Variants in ZSCAN30 observed in about 807,000 individuals in gnomAD.
ZSCAN30 encodes zinc finger and SCAN domain containing 30.
A neutral mutation model predicts 44.3 loss-of-function variants in ZSCAN30; 37 were observed. That is an observed-to-expected ratio of 0.84 (90% CI 0.64 to 1.10). The LOEUF (loss-of-function observed/expected upper bound fraction) is 1.10, where lower values mean the gene tolerates loss of function less well. ZSCAN30 is among the 50% of genes least tolerant of loss of function. The probability of loss-of-function intolerance (pLI) is 0.00; values close to 1 mark genes in which losing one functional copy is unlikely to be tolerated. For missense variants in ZSCAN30, 549 were observed against 582.6 expected (o/e 0.94, Z 0.59); for synonymous variants, 181 against 204.6 (o/e 0.88, Z 0.98).
At chr18:35,285,320 C>A (rs2044531962) in intron 1 of ZSCAN30, 1 of 152,136 alleles carries the variant, frequency 6.6e-6, no homozygotes, top group Non-Finnish European at 1.5e-5. Context: ...ATTCAATACT[C>A]ATCTTTCAAT....
chr18:35,284,288 C>T (rs1378969398), intron 1 of ZSCAN30: 2 of 152,610 alleles, frequency 1.3e-5, no homozygotes, highest in East Asian at 3.9e-4. Flanking sequence ...GAAAAAGCAC[C>T]ACCAGTTCCC....
chr18:35,266,000 G>C (rs1414335341), intron 1 of ZSCAN30, among the ~76,000 whole-genome samples: 1 of 152,178 alleles, frequency 6.6e-6, no homozygotes, highest in Non-Finnish European at 1.5e-5. Context: ...GTGAAAATGG[G>C]TATGAGAGAA....
In ZSCAN30 at chr18:35,264,456, C is replaced by A; in HGVS notation, c.-103-1G>T. ...TGAATTCCAACTCCCCAGGACGCTC[C>A]TGAGGGTGGACAATGCTCATGTTAC... On this transcript the variant is annotated splice_acceptor_variant, in intron 1 of 3. Transcript: ENST00000333206. LOFTEE classifies it low-confidence loss of function (5UTR_SPLICE). 1 of 1,211,580 alleles carries A rather than the reference C, an allele frequency of 8.3e-7. No homozygotes were observed. The allele number at this position is 1,211,580 out of a possible 1,614,324, so 75.1% of individuals were successfully genotyped here.
At chr18:35,262,639 A>T (rs1000559759) in intron 3 of ZSCAN30, 1 of 152,208 alleles carries the variant, frequency 6.6e-6, no homozygotes, top group Non-Finnish European at 1.5e-5. Flanking sequence ...CCCCATCCCT[A>T]TGGGTAGCTT....
chr18:35,280,067 G>A (rs1413032602), intron 1 of ZSCAN30, among the ~76,000 whole-genome samples: 2 of 152,164 alleles, frequency 1.3e-5, no homozygotes, highest in Admixed American at 6.5e-5. Context: ...ATTGAGCCCA[G>A]GAGTTCAAGA....
In ZSCAN30 at chr18:35,252,348, A is replaced by C. The variant is rs895608964; in HGVS notation, c.*1102T>G. On this transcript the variant is annotated 3_prime_UTR_variant, in exon 4 of 4. Transcript: ENST00000333206. ...AGTGTTTGTGTCCCATGACTCTGGG[A>C]CTCAGGCAGTGGGAAGTATAAAGGA... 1 of 152,012 alleles carries C rather than the reference A, an allele frequency of 6.6e-6. No individual in the cohort carries two copies. Among genetic ancestry groups the C allele is most frequent in the Admixed American group, 6.6e-5 (1 of 15,242 alleles). 9.4% of individuals were successfully genotyped at this position (152,012 alleles called of 1,614,324 possible).
intron 3 of ZSCAN30, 122 bp from the exon 4 acceptor site, chr18:35,254,503 T>C (rs778898768): frequency 9.1e-6 from 14 of 1,541,094 alleles, no homozygotes; most frequent in South Asian, 1.2e-5. Flanking sequence ...TTCTCAAAAC[T>C]AGATTCCCAA....
chr18:35,284,741 G>A (rs551403634), intron 1 of ZSCAN30: 1 of 155,164 alleles, frequency 6.4e-6, no homozygotes, highest in South Asian at 2.0e-4. Context: ...GCCACAACCT[G>A]GGTGGCTACA....
intron 1 of ZSCAN30, chr18:35,281,351 C>G (rs1231534587): frequency 6.6e-6 from 1 of 152,144 alleles, no homozygotes; most frequent in Non-Finnish European, 1.5e-5. Flanking sequence ...TTTGGCCAGT[C>G]CAACAAACAA....
chr18:35,277,887 T>A (rs1266216543), intron 1 of ZSCAN30, among the ~76,000 whole-genome samples: 2 of 152,200 alleles, frequency 1.3e-5, no homozygotes, highest in African/African-American at 4.8e-5. Context: ...CTGTTGTTTT[T>A]AAGTTTGCTC....
At chr18:35,266,313 C>A (rs912777674) in intron 1 of ZSCAN30, among the ~76,000 whole-genome samples, 2 of 152,020 alleles carry the variant, frequency 1.3e-5, no homozygotes, top group African/African-American at 4.8e-5. Context: ...GTCTGTGTGC[C>A]CACCCAGAGA....
chr18:35,263,650 G>A lies in ZSCAN30; in HGVS notation c.416C>T (p.Thr139Ile), dbSNP rs1179448197. 6 of 1,614,048 alleles carry A rather than the reference G, an allele frequency of 3.7e-6. No homozygotes were observed. The highest frequency in any genetic ancestry group is 1.7e-5 in the Admixed American group (1 of 59,998). Residue 139 changes from threonine to isoleucine, a missense_variant, in exon 3 of 4, where the codon ACT becomes ATT. By Grantham distance (89) the Thr-to-Ile change is moderately conservative (BLOSUM62 -1). Coordinates refer to ENST00000333206, the MANE Select transcript of ZSCAN30 (RefSeq NM_001112734.4). ...ELEEPRQQDT[T>I]HGQEMFWQEM... is the part of the protein sequence containing the mutation. Reference sequence around the variant, plus strand: ...CTGCCAGAACATTTCTTGGCCATGAGTTGTGTCCTAGGAGTAATCAAGTAC... The same window carrying A: ...CTGCCAGAACATTTCTTGGCCATGAATTGTGTCCTAGGAGTAATCAAGTAC...
intron 1 of ZSCAN30, chr18:35,267,516 G>A (rs1470420280): frequency 6.6e-6 from 1 of 152,116 alleles, no homozygotes; most frequent in Non-Finnish European, 1.5e-5. Context: ...ACCCCCGGGA[G>A]CGAGAACAAT....
intron 1 of ZSCAN30, among the ~76,000 whole-genome samples, chr18:35,288,814 A>G (rs2044598968): frequency 6.6e-6 from 1 of 152,264 alleles, no homozygotes; most frequent in East Asian, 1.9e-4. Context: ...AACGGGCAGG[A>G]GGAAACTTTT....
At chr18:35,287,204 A>G (rs1735474136) in intron 1 of ZSCAN30, among the ~76,000 whole-genome samples, 1 of 152,200 alleles carries the variant, frequency 6.6e-6, no homozygotes, top group South Asian at 2.1e-4. Context: ...TTCATGGATC[A>G]GATGACTCAA....
intron 3 of ZSCAN30, chr18:35,260,995 TAA>T (rs2044014226): frequency 6.6e-6 from 1 of 152,230 alleles, no homozygotes; most frequent in African/African-American, 2.4e-5. Context: ...GTTTTACATT[TAA>T]GTCTTTAGTC....
At chr18:35,267,202 C>T (rs1211594859) in intron 1 of ZSCAN30, 4 of 152,208 alleles carry the variant, frequency 2.6e-5, no homozygotes, top group Non-Finnish European at 4.4e-5. Context: ...GGAAGGAGCC[C>T]ATTGGCGAGT....
At position 35,254,714 on chromosome 18, in the gene ZSCAN30, TAGG is replaced by T. The variant is rs2043733363; in HGVS notation, c.554-336_554-334del. On this transcript the variant is annotated intron_variant, in intron 3 of 3. Transcript: ENST00000333206. ...TCTTGGGTTAGAGAAGATACGTTTT[TAGG>T]TAATGAGATAATCAGGAAAAAAAAG... The T allele has an allele frequency of 3.0e-5, 11 of 370,344 alleles. No individual in the cohort carries two copies. The South Asian group carries it at 3.0e-4, about 10-fold the overall frequency. 22.9% of individuals were successfully genotyped at this position (370,344 alleles called of 1,614,324 possible). A position where few individuals can be genotyped will look rare whatever the true frequency, so the allele number is the denominator to read the frequency against.
chr18:35,280,363 G>C (rs1044303959), intron 1 of ZSCAN30, among the ~76,000 whole-genome samples: 14 of 150,446 alleles, frequency 9.3e-5, no homozygotes, highest in African/African-American at 3.4e-4. Flanking sequence ...GAGAGACATA[G>C]AAGGCAAGCA....
Sources: gnomAD v4.1 joint callset for allele counts (sites outside exome capture counted in the v4.1 genomes callset) on GRCh38, gnomAD v4.1.1 for gene constraint, MANE v1.5 for transcripts, NCBI Gene and HGNC (gene_info 2026-07-23, HGNC 2026-07-21) for gene names.